PLD5: variants seen among roughly 807,000 people sequenced by gnomAD.
PLD5 encodes the protein phospholipase D family member 5.
In PLD5, 36 loss-of-function variants were observed where a neutral mutation model predicts 61.1. The observed-to-expected ratio is 0.59, with a 90% confidence interval of 0.45 to 0.78. The LOEUF is 0.78. Ranked by LOEUF, PLD5 falls within the 30% of genes least tolerant of loss-of-function variation. PLD5 has a pLI of 0.00. For missense variants in PLD5, 515 were observed against 644.4 expected (o/e 0.80, Z 2.17); for synonymous variants, 243 against 242.8 (o/e 1.00, Z -0.01).
At chr1:242,374,310 T>C (rs10754763) in intron 1 of PLD5, among the ~76,000 whole-genome samples, 123,998 of 152,158 alleles carry the variant, frequency 0.81, 50,925 homozygotes, top group South Asian at 0.88. Context: ...GGTTTACATA[T>C]GCGTTCTTCC....
intron 1 of PLD5, among the ~76,000 whole-genome samples, chr1:242,516,483 AG>A (rs920339571): frequency 1.3e-5 from 2 of 152,120 alleles, no homozygotes; most frequent in African/African-American, 4.8e-5. Flanking sequence ...TTTCCAATTT[AG>A]GTTTACAACT....
chr1:242,170,683 T>G (rs558423054), intron 5 of PLD5, among the ~76,000 whole-genome samples: 18 of 152,250 alleles, frequency 1.2e-4, no homozygotes, highest in African/African-American at 4.3e-4. Flanking sequence ...AATTGGTAAC[T>G]AGAATAACCA....
intron 1 of PLD5, among the ~76,000 whole-genome samples, chr1:242,426,139 G>A (rs1398831860): frequency 6.6e-6 from 1 of 151,216 alleles, no homozygotes; most frequent in Non-Finnish European, 1.5e-5. Flanking sequence ...CACAAACATT[G>A]GCCTAGGCCC....
chr1:242,420,106 C>T (rs944716742), intron 1 of PLD5, among the ~76,000 whole-genome samples: 1 of 152,184 alleles, frequency 6.6e-6, no homozygotes, highest in East Asian at 1.9e-4. Flanking sequence ...ATAATACCAT[C>T]TCCTATGGAG....
chr1:242,394,149 T>A lies in PLD5; in HGVS notation c.190-45907A>T, dbSNP rs574222785. On this transcript the variant is annotated intron_variant, in intron 1 of 9. Transcript: ENST00000536534. ...GTGTATATATATGAGTATATATATG[T>A]GTATATATATGAGTATATATATGTG... 4.1e-5 allele frequency among the ~76,000 whole-genome samples: 5 copies of A among 121,446 alleles called. 1 individual carries two copies. The highest frequency in any genetic ancestry group is 5.9e-5 in the African/African-American group (2 of 33,614). The allele number at this position is 121,446 out of a possible 152,430, so 79.7% of individuals were successfully genotyped here. A position where few individuals can be genotyped will look rare whatever the true frequency, so the allele number is the denominator to read the frequency against.
chr1:242,267,585 C>T (rs1280635299), intron 3 of PLD5, among the ~76,000 whole-genome samples: 1 of 152,060 alleles, frequency 6.6e-6, no homozygotes, highest in Non-Finnish European at 1.5e-5. Context: ...TTATTAACTC[C>T]TTATTTAAAA....
intron 3 of PLD5, among the ~76,000 whole-genome samples, chr1:242,285,325 C>G (rs1347340623): frequency 6.6e-6 from 1 of 151,992 alleles, no homozygotes. Context: ...TGGTGAAACC[C>G]CATCCCTACT....
At chr1:242,476,896 A>G (rs1217603077) in intron 1 of PLD5, among the ~76,000 whole-genome samples, 5 of 152,204 alleles carry the variant, frequency 3.3e-5, no homozygotes, top group Non-Finnish European at 7.3e-5. Context: ...GTGTGGGAAG[A>G]GCCACAGAAG....
intron 2 of PLD5, among the ~76,000 whole-genome samples, chr1:242,307,163 T>C (rs1020048693): frequency 6.6e-6 from 1 of 152,200 alleles, no homozygotes; most frequent in Non-Finnish European, 1.5e-5. Context: ...TGCAGTGCCA[T>C]GAGGAGCTGA....
intron 1 of PLD5, among the ~76,000 whole-genome samples, chr1:242,351,216 T>A (rs1660460143): frequency 1.3e-5 from 2 of 152,160 alleles, no homozygotes; most frequent in Non-Finnish European, 2.9e-5. Flanking sequence ...TTATTCTTTC[T>A]ATCCTTATTC....
intron 1 of PLD5, among the ~76,000 whole-genome samples, chr1:242,432,370 C>T (rs748748667): frequency 1.3e-5 from 2 of 152,192 alleles, no homozygotes; most frequent in Non-Finnish European, 2.9e-5. Context: ...CGAGCTTAGA[C>T]AAGGCTACAG....
chr1:242,204,810 G>GA (rs1228919715), intron 5 of PLD5, among the ~76,000 whole-genome samples: 5 of 152,048 alleles, frequency 3.3e-5, no homozygotes, highest in African/African-American at 9.7e-5. Flanking sequence ...AAGGAGTAGG[G>GA]AAAAAATCAA....
intron 5 of PLD5, among the ~76,000 whole-genome samples, chr1:242,139,043 C>T (rs1003412690): frequency 1.3e-5 from 2 of 152,102 alleles, no homozygotes; most frequent in African/African-American, 4.8e-5. Flanking sequence ...TTTTTGCAGA[C>T]CTGAATGCTG....
At chr1:242,132,205 GGGC>G in intron 5 of PLD5, among the ~76,000 whole-genome samples, 1 of 98,140 alleles carries the variant, frequency 1.0e-5, no homozygotes, top group East Asian at 3.2e-4. Flanking sequence ...GGGGGGGGGG[GGGC>G]GGAATCATTT....
intron 4 of PLD5, among the ~76,000 whole-genome samples, chr1:242,234,755 C>T (rs1457724697): frequency 1.3e-5 from 2 of 152,092 alleles, no homozygotes; most frequent in Non-Finnish European, 2.9e-5. Flanking sequence ...TGGTTTCTTC[C>T]TTTCTCAGTC....
intron 5 of PLD5, among the ~76,000 whole-genome samples, chr1:242,202,587 G>C (rs1036364368): frequency 2.0e-5 from 3 of 152,142 alleles, no homozygotes; most frequent in African/African-American, 4.8e-5. Flanking sequence ...CTGGATGGCT[G>C]TCCATCACTG....
chr1:242,210,579 G>A (rs559814816), intron 5 of PLD5: 2 of 152,406 alleles, frequency 1.3e-5, no homozygotes, highest in South Asian at 2.1e-4. Context: ...AAAATGGCCG[G>A]TCCTTGCCTT....
At chr1:242,444,225 C>T (rs1310155792) in intron 1 of PLD5, among the ~76,000 whole-genome samples, 1 of 152,100 alleles carries the variant, frequency 6.6e-6, no homozygotes, top group Non-Finnish European at 1.5e-5. Context: ...AAACTCAAAG[C>T]CAACCAACAC....
chr1:242,133,112 G>A (rs947908814), intron 5 of PLD5, among the ~76,000 whole-genome samples: 10 of 142,676 alleles, frequency 7.0e-5, no homozygotes, highest in South Asian at 2.4e-4. Flanking sequence ...GTCCCCTCCC[G>A]CAACCAATCA....
Sources: allele counts gnomAD v4.1 joint callset (sites outside exome capture counted in the v4.1 genomes callset), GRCh38; gene constraint gnomAD v4.1.1; transcripts MANE v1.5; gene names NCBI Gene and HGNC (gene_info 2026-07-23, HGNC 2026-07-21).